The following RASEF variants were observed in gnomAD, a reference collection of about 807,000 sequenced individuals.
RASEF encodes ras and EF-hand domain-containing protein.
Under a neutral mutation model 90.1 loss-of-function variants are expected in RASEF, and 68 were observed. The observed-to-expected ratio is 0.75, with a 90% CI of 0.62 to 0.92. The LOEUF is 0.92. Ranked by LOEUF, RASEF falls within the 40% of genes least tolerant of loss-of-function variation. The pLI is 0.00. For missense variants in RASEF, 949 were observed against 937.2 expected (o/e 1.01, Z -0.16); for synonymous variants, 331 against 345.2 (o/e 0.96, Z 0.46).
chr9:83,175,708 G>T, the RASEF span, among the ~76,000 whole-genome samples: 1 of 152,140 alleles, frequency 6.6e-6, no homozygotes, highest in South Asian at 2.1e-4. Flanking sequence ...AGCCTCCTGA[G>T]TAGCCGGGAC....
chr9:83,181,766 A>G, the RASEF span, among the ~76,000 whole-genome samples: 1 of 152,054 alleles, frequency 6.6e-6, no homozygotes, highest in East Asian at 1.9e-4. Flanking sequence ...GATTTCTTTG[A>G]TTTGTATGTA....
chr9:83,198,987 T>C, the RASEF span, among the ~76,000 whole-genome samples: 3 of 152,176 alleles, frequency 2.0e-5, no homozygotes, highest in South Asian at 4.1e-4. Flanking sequence ...ACATGACAAC[T>C]GTCAAATAAC....
the RASEF span, among the ~76,000 whole-genome samples, chr9:83,143,616 C>T: frequency 6.6e-6 from 1 of 152,114 alleles, no homozygotes; most frequent in Non-Finnish European, 1.5e-5. Context: ...TATCATCCCA[C>T]ACCAATCAGA....
intron 15 of RASEF, among the ~76,000 whole-genome samples, chr9:82,991,926 G>C (rs1217255612): frequency 6.6e-6 from 1 of 152,168 alleles, no homozygotes; most frequent in Non-Finnish European, 1.5e-5. Context: ...ACGAGGGCAA[G>C]GACTGTTTGC....
At chr9:83,000,667 C>T in intron 10 of RASEF, 97 bp from the exon 11 acceptor site, 1 of 1,145,524 alleles carries the variant, frequency 8.7e-7, no homozygotes, top group South Asian at 1.6e-5. Context: ...AAGAAGAAAA[C>T]TATGCAGCTA....
At chr9:82,989,460 T>G (rs1394273694) in intron 16 of RASEF, among the ~76,000 whole-genome samples, 1 of 152,124 alleles carries the variant, frequency 6.6e-6, no homozygotes, top group Non-Finnish European at 1.5e-5. Context: ...GCAGCCTCCA[T>G]GTTGCTGAAA....
chr9:83,151,189 T>C, the RASEF span, among the ~76,000 whole-genome samples: 1 of 152,202 alleles, frequency 6.6e-6, no homozygotes, highest in Non-Finnish European at 1.5e-5. Flanking sequence ...GACTGACTTT[T>C]AATAGGTTTT....
the RASEF span, among the ~76,000 whole-genome samples, chr9:83,199,964 C>T: frequency 6.6e-6 from 1 of 152,162 alleles, no homozygotes; most frequent in Non-Finnish European, 1.5e-5. Flanking sequence ...CTGAGGTAGG[C>T]CTGTCTGTTG....
the RASEF span, among the ~76,000 whole-genome samples, chr9:83,129,143 A>G: frequency 6.6e-6 from 1 of 152,196 alleles, no homozygotes; most frequent in East Asian, 1.9e-4. Flanking sequence ...TGGTTCCACA[A>G]TAAAAGTCCA....
chr9:83,202,248 G>A, the RASEF span, among the ~76,000 whole-genome samples: 2 of 152,072 alleles, frequency 1.3e-5, no homozygotes, highest in Non-Finnish European at 2.9e-5. Context: ...CTATATCTAT[G>A]CAGCTTAAAA....
intron 1 of RASEF, among the ~76,000 whole-genome samples, chr9:83,042,892 G>C (rs1005453651): frequency 2.0e-5 from 3 of 152,178 alleles, no homozygotes; most frequent in African/African-American, 7.2e-5. Context: ...GAAGTACTGA[G>C]AATAGTAAAA....
the RASEF span, among the ~76,000 whole-genome samples, chr9:83,200,417 A>G: frequency 6.6e-6 from 1 of 152,080 alleles, no homozygotes; most frequent in African/African-American, 2.4e-5. Context: ...AAATCCTTCT[A>G]AAAAGATGCA....
rs1190392030 is a variant in RASEF at position 82,982,034 on chromosome 9, G to C, written c.*643C>G. ...CAAATTCTGTCCTTATTTCAGAAGT[G>C]AGAAAAATCAATACTCCAATATTAA... On this transcript the variant is annotated 3_prime_UTR_variant, in exon 17 of 17. Transcript: ENST00000376447. 6.6e-6 allele frequency: 1 copy of C among 152,134 alleles called. No individual in the cohort carries two copies. Among genetic ancestry groups the C allele is most frequent in the East Asian group, 1.9e-4 (1 of 5,200 alleles). The allele number at this position is 152,134 out of a possible 1,614,324, so 9.4% of individuals were successfully genotyped here. A position where few individuals can be genotyped will look rare whatever the true frequency, so the allele number is the denominator to read the frequency against.
At chr9:83,121,848 C>T in the RASEF span, among the ~76,000 whole-genome samples, 5 of 152,146 alleles carry the variant, frequency 3.3e-5, no homozygotes, top group Non-Finnish European at 5.9e-5. Flanking sequence ...TCTGAAATCC[C>T]ATTATCTAGG....
chr9:83,068,745 T>C, the RASEF span, among the ~76,000 whole-genome samples: 1 of 152,210 alleles, frequency 6.6e-6, no homozygotes, highest in Non-Finnish European at 1.5e-5. Context: ...GTTGCTAAGT[T>C]TGTGGTCATT....
Position 82,982,207 on chromosome 9 carries a change from G to A in RASEF, c.*470C>T, listed in dbSNP as rs185716448. 72 of 153,722 alleles carry A rather than the reference G, an allele frequency of 4.7e-4. No individual in the cohort carries two copies. Among genetic ancestry groups the A allele is most frequent in the Non-Finnish European group, 9.0e-4 (62 of 69,054 alleles). 9.5% of individuals were successfully genotyped at this position (153,722 alleles called of 1,614,324 possible). A position where few individuals can be genotyped will look rare whatever the true frequency, so the allele number is the denominator to read the frequency against. ...ACAGATGAAGAAACAGATCCGACAT[G>A]GGCTTGTGACATGTCCAAGGTCACA... On this transcript the variant is annotated 3_prime_UTR_variant, in exon 17 of 17. Transcript: ENST00000376447.
At chr9:82,994,239 C>A (rs1010353524) in intron 14 of RASEF, among the ~76,000 whole-genome samples, 2 of 152,142 alleles carry the variant, frequency 1.3e-5, no homozygotes, top group Non-Finnish European at 2.9e-5. Flanking sequence ...CATTAATGCG[C>A]TCGTTAATTG....
At chr9:83,092,003 C>CTTTTTTTTTTTTTTGTTTT in the RASEF span, among the ~76,000 whole-genome samples, 1 of 35,920 alleles carries the variant, frequency 2.8e-5, no homozygotes, top group Non-Finnish European at 5.3e-5. Flanking sequence ...TCTTTTATTT[C>CTTTTTTTTTTTTTTGTTTT]TTTTTTTTTT....
At chr9:83,141,719 C>T in the RASEF span, among the ~76,000 whole-genome samples, 3 of 152,082 alleles carry the variant, frequency 2.0e-5, no homozygotes, top group Non-Finnish European at 4.4e-5. Flanking sequence ...GATACACGTG[C>T]CCAATGGCAT....
Sources: allele counts gnomAD v4.1 joint callset (sites outside exome capture counted in the v4.1 genomes callset), GRCh38; gene constraint gnomAD v4.1.1; transcripts MANE v1.5; gene names NCBI Gene and HGNC (gene_info 2026-07-23, HGNC 2026-07-21).